The following TRABD2B variants were observed in gnomAD, a reference collection of about 807,000 sequenced individuals.
TRABD2B encodes metalloprotease TIKI2.
TRABD2B carries 14 observed loss-of-function variants against 40.1 expected under a neutral mutation model. The ratio of observed to expected loss-of-function variants is 0.35; its 90% CI spans 0.23 to 0.55. The LOEUF is 0.55. TRABD2B is among the 20% of genes least tolerant of loss of function. The pLI is 0.90. For synonymous variants in TRABD2B, 263 were observed against 277.0 expected (o/e 0.95, Z 0.50); for missense variants, 541 against 648.6 (o/e 0.83, Z 1.80).
At chr1:47,777,791 C>T (rs1406075087) in intron 5 of TRABD2B, among the ~76,000 whole-genome samples, 1 of 152,166 alleles carries the variant, frequency 6.6e-6, no homozygotes, top group African/African-American at 2.4e-5. Context: ...GGACTCAGAG[C>T]CTGGCTCTCG....
chr1:47,819,577 T>C (rs1445530226), intron 2 of TRABD2B: 1 of 152,182 alleles, frequency 6.6e-6, no homozygotes, highest in African/African-American at 2.4e-5. Context: ...GGGCCTGGTG[T>C]GGACACGGCA....
chr1:47,861,262 T>C (rs1317088315), intron 2 of TRABD2B, among the ~76,000 whole-genome samples: 1 of 151,462 alleles, frequency 6.6e-6, no homozygotes, highest in Non-Finnish European at 1.5e-5. Flanking sequence ...AAGGCATTTT[T>C]GGTTGCACAA....
chr1:47,782,828 C>A (rs889438767), intron 4 of TRABD2B, among the ~76,000 whole-genome samples: 2 of 152,198 alleles, frequency 1.3e-5, no homozygotes, highest in Non-Finnish European at 2.9e-5. Context: ...CAGGGAAAGT[C>A]ATGGAAAGTC....
At chr1:47,879,148 C>T (rs1006602450) in intron 2 of TRABD2B, among the ~76,000 whole-genome samples, 12 of 151,062 alleles carry the variant, frequency 7.9e-5, no homozygotes, top group East Asian at 3.9e-4. Context: ...GATGATAGTA[C>T]GACATGTAGG....
chr1:47,802,445 T>C (rs1644836082), intron 2 of TRABD2B, among the ~76,000 whole-genome samples: 1 of 152,156 alleles, frequency 6.6e-6, no homozygotes, highest in South Asian at 2.1e-4. Context: ...ACCTGCTCAA[T>C]TCACATAGCT....
chr1:47,832,202 G>A (rs1331854746), intron 2 of TRABD2B, among the ~76,000 whole-genome samples: 1 of 152,118 alleles, frequency 6.6e-6, no homozygotes, highest in Admixed American at 6.5e-5. Flanking sequence ...GCATGGTGGC[G>A]GGTGCCTGTA....
At chr1:47,798,379 G>C (rs1644776229) in intron 3 of TRABD2B, among the ~76,000 whole-genome samples, 1 of 152,204 alleles carries the variant, frequency 6.6e-6, no homozygotes, top group African/African-American at 2.4e-5. Context: ...CTACACCTAA[G>C]GCAGTCTTGA....
chr1:47,791,537 G>A (rs1280541955), intron 4 of TRABD2B, among the ~76,000 whole-genome samples: 1 of 152,274 alleles, frequency 6.6e-6, no homozygotes, highest in East Asian at 1.9e-4. Context: ...GACCTGGCAG[G>A]CAATGGGCTG....
In TRABD2B at chr1:47,806,724, C is replaced by T. The variant is rs542164201; in HGVS notation, c.667-5105G>A. 4.1e-4 allele frequency among the ~76,000 whole-genome samples: 63 copies of T among 152,264 alleles called. No homozygotes were observed. In the South Asian group the frequency reaches 5.6e-3, roughly 14 times the overall value. ...AGGAACTAGGAAGGAGTGAGGCAGGCGCCAGGAGGGTGGGAACAGGTTTAT... is the reference window on the plus strand; with the variant it reads ...AGGAACTAGGAAGGAGTGAGGCAGGTGCCAGGAGGGTGGGAACAGGTTTAT... On this transcript the variant is annotated intron_variant, in intron 2 of 6. Coordinates refer to ENST00000606738, the MANE Select transcript of TRABD2B (RefSeq NM_001194986.2).
Position 47,983,457 on chromosome 1 carries a change from C to A in TRABD2B, c.666+10577G>T. Among the ~76,000 whole-genome samples, 2 of 152,154 alleles carry A rather than the reference C, an allele frequency of 1.3e-5. 1 individual carries two copies. The highest frequency in any genetic ancestry group is 3.9e-4 in the East Asian group (2 of 5,166). ...GACAGTAGTTTACATACGTAACAAA[C>A]CTGCACATGTACCCCTGAACCTAAA... On this transcript the variant is annotated intron_variant, in intron 2 of 6. Coordinates refer to ENST00000606738, the MANE Select transcript of TRABD2B (RefSeq NM_001194986.2).
rs748551785 is a variant in TRABD2B at position 47,778,521 on chromosome 1, C to T, written c.1012G>A (p.Val338Ile). The T allele has an allele frequency of 2.8e-5, 43 of 1,536,048 alleles. No individual in the cohort carries two copies. In the Admixed American group the frequency reaches 4.9e-4, roughly 18 times the overall value. ...CCTGCCTGCCGCAGGATGTCGATGA[C>T]TGTGTTGTTCCCCAGAAAGTGACCT... ...GAGHFLGNNT[V>I]IDILRQAGLE... The change falls in exon 5 of 7, where the codon GTC (valine) becomes ATC (isoleucine). Residue 338 changes from valine (V) to isoleucine (I), a missense_variant. This residue lies in a region of TRABD2B where 369 missense variants were observed against 492.8 expected (regional missense o/e 0.75). Transcript: ENST00000606738.
intron 2 of TRABD2B, among the ~76,000 whole-genome samples, chr1:47,830,178 T>C (rs1645230185): frequency 6.6e-6 from 1 of 152,228 alleles, no homozygotes; most frequent in Non-Finnish European, 1.5e-5. Flanking sequence ...AGATGGGACC[T>C]CCCTGAAGGC....
At chr1:47,851,361 C>T (rs1645547125) in intron 2 of TRABD2B, among the ~76,000 whole-genome samples, 1 of 151,936 alleles carries the variant, frequency 6.6e-6, no homozygotes, top group African/African-American at 2.4e-5. Context: ...TTTTAAATAT[C>T]AAGGCCTCTT....
intron 2 of TRABD2B, among the ~76,000 whole-genome samples, chr1:47,975,533 A>G (rs1445185941): frequency 6.6e-6 from 1 of 152,202 alleles, no homozygotes; most frequent in Non-Finnish European, 1.5e-5. Context: ...AAACTGAACC[A>G]TCAGTGGTTC....
chr1:47,974,786 G>C (rs1022970886), intron 2 of TRABD2B, among the ~76,000 whole-genome samples: 1 of 152,166 alleles, frequency 6.6e-6, no homozygotes, highest in African/African-American at 2.4e-5. Flanking sequence ...CTCTATAGTG[G>C]AGAAACCTGA....
At chr1:47,788,856 C>T (rs1390428482) in intron 4 of TRABD2B, among the ~76,000 whole-genome samples, 1 of 152,104 alleles carries the variant, frequency 6.6e-6, no homozygotes, top group Non-Finnish European at 1.5e-5. Flanking sequence ...CCCCTGAGTC[C>T]GGCTCATGTC....
intron 2 of TRABD2B, among the ~76,000 whole-genome samples, chr1:47,915,425 G>T (rs1357222091): frequency 2.6e-5 from 4 of 152,346 alleles, no homozygotes; most frequent in African/African-American, 9.6e-5. Context: ...ATTACACCCA[G>T]GCCCTACATT....
chr1:47,809,678 G>A (rs924905859), intron 2 of TRABD2B, among the ~76,000 whole-genome samples: 1 of 152,190 alleles, frequency 6.6e-6, no homozygotes, highest in African/African-American at 2.4e-5. Flanking sequence ...CTACCTCCCT[G>A]CTTCCTGTTC....
At chr1:47,787,680 A>G (rs1453136669) in intron 4 of TRABD2B, among the ~76,000 whole-genome samples, 3 of 152,186 alleles carry the variant, frequency 2.0e-5, no homozygotes, top group Admixed American at 2.0e-4. Flanking sequence ...GTCTCCCACC[A>G]TGGGGGCAGA....
Sources: gnomAD v4.1 joint callset for allele counts (sites outside exome capture counted in the v4.1 genomes callset) on GRCh38, gnomAD v4.1.1 for gene constraint, gnomAD v4.1.1 regional missense constraint, MANE v1.5 for transcripts, NCBI Gene and HGNC (gene_info 2026-07-23, HGNC 2026-07-21) for gene names.